USP10: variants seen among roughly 807,000 people sequenced by gnomAD.
USP10 encodes the protein ubiquitin carboxyl-terminal hydrolase 10.
Under a neutral mutation model 84.5 loss-of-function variants are expected in USP10, and 22 were observed. The ratio of observed to expected loss-of-function variants is 0.26; its 90% CI spans 0.19 to 0.37. The LOEUF (loss-of-function observed/expected upper bound fraction) is 0.37, where lower values mean the gene tolerates loss of function less well. Among genes scored for constraint, USP10 ranks in the 10% least tolerant of loss-of-function variants. USP10 has a pLI of 1.00. For missense variants in USP10, 1,019 were observed against 998.9 expected (o/e 1.02, Z -0.27); for synonymous variants, 454 against 387.6 (o/e 1.17, Z -2.01).
At position 84,779,120 on chromosome 16, in the gene USP10, C is replaced by T. The variant is rs369049821; in HGVS notation, c.*38C>T. 1.0e-5 allele frequency: 16 copies of T among 1,580,454 alleles called. No homozygotes were observed. Among genetic ancestry groups the T allele is most frequent in the South Asian group, 2.3e-5 (2 of 87,754 alleles). On this transcript the variant is annotated 3_prime_UTR_variant, in exon 14 of 14. Coordinates refer to ENST00000219473, the MANE Select transcript of USP10 (RefSeq NM_005153.3). Reference sequence around the variant, plus strand: ...CTGTGTGTGCGCCCAGTGCCCGCTTCGTAGGACACCACCTCACACTCACTT... The same window carrying T: ...CTGTGTGTGCGCCCAGTGCCCGCTTTGTAGGACACCACCTCACACTCACTT...
chr16:84,770,628 C>T (rs11642223), intron 11 of USP10, among the ~76,000 whole-genome samples: 10,576 of 151,508 alleles, frequency 0.07, 392 homozygotes, highest in African/African-American at 0.075. Flanking sequence ...AAAAGTTAGC[C>T]GGGCATGGTG....
chr16:84,758,897 A>C (rs532221321), intron 5 of USP10, 90 bp downstream of exon 5: 25 of 891,392 alleles, frequency 2.8e-5, no homozygotes, highest in Admixed American at 5.5e-5. Context: ...TCCGTGGGCC[A>C]TCTAGCTCTC....
Position 84,740,312 on chromosome 16 carries a change from C to T in USP10, c.94C>T (p.Pro32Ser), listed in dbSNP as rs1394841551. 1 of 1,611,038 alleles carries T rather than the reference C, an allele frequency of 6.2e-7. No individual in the cohort carries two copies. Among genetic ancestry groups the T allele is most frequent in the Non-Finnish European group, 8.5e-7 (1 of 1,178,296 alleles). The change falls in exon 3 of 14, where the codon CCT becomes TCT. Residue 32 changes from proline (P) to serine (S), a missense_variant. By Grantham distance (74) the Pro-to-Ser change is moderately conservative. Coordinates refer to ENST00000219473, the MANE Select transcript of USP10 (RefSeq NM_005153.3). ...TGTTTTCTGATTCCTTGTGCAGCTT[C>T]CTCCATACAGTGGAACAGTTCTGTG... The part of the protein sequence containing the change: ...FVTPRSSVEL[P>S]PYSGTVLCGT...
chr16:84,745,798 G>T, intron 4 of USP10, 125 bp downstream of exon 4: 1 of 984,788 alleles, frequency 1.0e-6, no homozygotes, highest in South Asian at 1.8e-5. Flanking sequence ...ACGTCTGAAG[G>T]ATGCCTATGT....
intron 1 of USP10, among the ~76,000 whole-genome samples, chr16:84,714,468 G>A (rs932711640): frequency 1.3e-5 from 2 of 151,424 alleles, no homozygotes; most frequent in East Asian, 1.9e-4. Context: ...ACAGACGTGC[G>A]CCACCGTGCA....
intron 1 of USP10, among the ~76,000 whole-genome samples, chr16:84,727,962 C>G (rs8063429): frequency 0.12 from 18,744 of 152,200 alleles, 1,744 homozygotes; most frequent in African/African-American, 0.27. Flanking sequence ...AGGATCCAGT[C>G]TAGGGTCAGG....
chr16:84,756,342 A>T (rs1023891201), intron 4 of USP10, among the ~76,000 whole-genome samples: 1 of 152,176 alleles, frequency 6.6e-6, no homozygotes, highest in East Asian at 1.9e-4. Flanking sequence ...CCTGTAATCC[A>T]AGCACTTTGG....
chr16:84,759,818 G>T (rs924709217), intron 6 of USP10, 73 bp from the exon 7 acceptor site: 37 of 1,432,256 alleles, frequency 2.6e-5, no homozygotes, highest in Middle Eastern at 2.3e-4. Flanking sequence ...ATTCTACTTA[G>T]CCATCAAAGC....
Position 84,744,784 on chromosome 16 carries a change from T to C in USP10, c.303T>C (p.Pro101=). The C allele has an allele frequency of 6.2e-7, 1 of 1,613,764 alleles. No homozygotes were observed. The highest frequency in any genetic ancestry group is 8.5e-7 in the Non-Finnish European group (1 of 1,179,714). The change falls in exon 4 of 14, where the codon CCT becomes CCC. Residue 101 remains proline, a synonymous_variant. Coordinates refer to ENST00000219473, the MANE Select transcript of USP10 (RefSeq NM_005153.3). ...GTTGTACAGCTTCCAAAATAACCCC[T>C]GATGGTATCACTAAAGAAGCAAGCT... ...ILGCTASKIT[P]DGITKEASYG...
rs145732487 is a variant in USP10, at chr16:84,772,263, C to T, written c.1999-278C>T. Among the ~76,000 whole-genome samples the T allele has an allele frequency of 8.2e-3, 1,252 of 152,248 alleles. 9 individuals are homozygous for T. The highest frequency in any genetic ancestry group is 0.029 in the African/African-American group (1,184 of 41,530). On this transcript the variant is annotated intron_variant, in intron 11 of 13. Coordinates refer to ENST00000219473, the MANE Select transcript of USP10 (RefSeq NM_005153.3). ...ACGGGATTTCACCATGTTGGCCAGGCTGGTCTCAAACTCTTGACCTCAGGT... is the reference window on the plus strand; with the variant it reads ...ACGGGATTTCACCATGTTGGCCAGGTTGGTCTCAAACTCTTGACCTCAGGT...
At chr16:84,733,778 T>G (rs1170985801) in intron 2 of USP10, among the ~76,000 whole-genome samples, 1 of 152,234 alleles carries the variant, frequency 6.6e-6, no homozygotes, top group East Asian at 1.9e-4. Flanking sequence ...CAGAAGTAAC[T>G]ACTCTGCTGA....
chr16:84,765,303 T>C (rs1329669677), intron 10 of USP10, among the ~76,000 whole-genome samples: 2 of 151,644 alleles, frequency 1.3e-5, no homozygotes, highest in Non-Finnish European at 1.5e-5. Flanking sequence ...GTTTTACTCA[T>C]TTCACAAAAG....
chr16:84,705,950 C>T (rs1328361373), intron 1 of USP10, among the ~76,000 whole-genome samples: 1 of 152,058 alleles, frequency 6.6e-6, no homozygotes, highest in Middle Eastern at 3.4e-3. Flanking sequence ...TGGAACTCCT[C>T]ACCTCAGGTG....
In USP10 at chr16:84,744,615, A is replaced by C. The variant is rs765812676; in HGVS notation, c.152-18A>C. ...TTGTAGAACTGGGTTCTTAACTAAT[A>C]GTTTTCTTTCTAAACAGGACAAGAA... On this transcript the variant is annotated intron_variant, in intron 3 of 13. Coordinates refer to ENST00000219473, the MANE Select transcript of USP10 (RefSeq NM_005153.3). 1 of 1,573,528 alleles carries C rather than the reference A, an allele frequency of 6.4e-7. No individual in the cohort carries two copies. Among genetic ancestry groups the C allele is most frequent in the Non-Finnish European group, 8.6e-7 (1 of 1,158,510 alleles).
intron 3 of USP10, among the ~76,000 whole-genome samples, chr16:84,740,605 T>C (rs1363546935): frequency 6.6e-6 from 1 of 152,286 alleles, no homozygotes; most frequent in African/African-American, 2.4e-5. Context: ...GAAATGGTTG[T>C]TGAGTTCTTT....
At chr16:84,764,888 G>C (rs1421172380) in intron 10 of USP10, among the ~76,000 whole-genome samples, 1 of 145,602 alleles carries the variant, frequency 6.9e-6, no homozygotes, top group African/African-American at 2.5e-5. Flanking sequence ...GGTAGGCAAA[G>C]GTTTCATAAG....
chr16:84,749,811 A>G (rs772111294), intron 4 of USP10, among the ~76,000 whole-genome samples: 10 of 152,268 alleles, frequency 6.6e-5, no homozygotes, highest in Middle Eastern at 6.8e-3. Flanking sequence ...TTACTCTTAA[A>G]CTATCCACTT....
At chr16:84,766,377 C>G (rs903554067) in intron 10 of USP10, among the ~76,000 whole-genome samples, 1 of 152,252 alleles carries the variant, frequency 6.6e-6, no homozygotes, top group African/African-American at 2.4e-5. Context: ...CTGGGAAACA[C>G]CCAGCCCTGA....
At chr16:84,701,937 CTT>C (rs575487855) in intron 1 of USP10, among the ~76,000 whole-genome samples, 27 of 124,558 alleles carry the variant, frequency 2.2e-4, no homozygotes, top group Non-Finnish European at 3.3e-4. Context: ...TTTTCTTCTT[CTT>C]TTTTTTTTTT....
Sources: allele counts gnomAD v4.1 joint callset (sites outside exome capture counted in the v4.1 genomes callset), GRCh38; gene constraint gnomAD v4.1.1; transcripts MANE v1.5; gene names NCBI Gene and HGNC (gene_info 2026-07-23, HGNC 2026-07-21).